Variants in RGS7BP observed in about 807,000 individuals in gnomAD.
RGS7BP encodes the protein regulator of G protein signaling 7 binding protein, also known as regulator of G protein signaling 7-binding protein.
RGS7BP carries 9 observed loss-of-function variants against 31.3 expected under a neutral mutation model. The ratio of observed to expected loss-of-function variants is 0.29; its 90% CI spans 0.17 to 0.50. The LOEUF (loss-of-function observed/expected upper bound fraction) is 0.50. Ranked by LOEUF, RGS7BP falls within the 20% of genes least tolerant of loss-of-function variation. The pLI is 0.98. For missense variants in RGS7BP, 274 were observed against 322.0 expected, an observed-to-expected ratio of 0.85 and a Z score of 1.14; for synonymous variants, 115 against 120.1, an observed-to-expected ratio of 0.96 and a Z score of 0.28.
intron 2 of RGS7BP, among the ~76,000 whole-genome samples, chr5:64,529,874 A>G (rs2111920764): frequency 6.6e-6 from 1 of 152,284 alleles, no homozygotes; most frequent in African/African-American, 2.4e-5. Context: ...CCTGCATCAC[A>G]TGGCCAGAAA....
chr5:64,561,067 C>T (rs1405191779), intron 2 of RGS7BP, among the ~76,000 whole-genome samples: 3 of 152,160 alleles, frequency 2.0e-5, no homozygotes, highest in East Asian at 3.9e-4. Context: ...GGGGCAAGAG[C>T]ACCCTGTTCT....
chr5:64,601,017 G>T (rs895206424), intron 5 of RGS7BP, among the ~76,000 whole-genome samples: 2 of 152,166 alleles, frequency 1.3e-5, no homozygotes, highest in Admixed American at 6.5e-5. Flanking sequence ...TTTTCAGGTG[G>T]TTTATTTATT....
At chr5:64,597,196 C>T (rs748023968) in intron 4 of RGS7BP, among the ~76,000 whole-genome samples, 1 of 151,968 alleles carries the variant, frequency 6.6e-6, no homozygotes, top group Non-Finnish European at 1.5e-5. Flanking sequence ...GGACAATTGT[C>T]CCAAGGGTTT....
intron 2 of RGS7BP, among the ~76,000 whole-genome samples, chr5:64,575,030 G>GT (rs984535198): frequency 9.9e-5 from 15 of 151,932 alleles, no homozygotes; most frequent in African/African-American, 3.4e-4. Flanking sequence ...TTATCAACTA[G>GT]TTTTTTTCCC....
chr5:64,566,428 C>G (rs1377234962), intron 2 of RGS7BP, among the ~76,000 whole-genome samples: 6 of 152,138 alleles, frequency 3.9e-5, no homozygotes, highest in Admixed American at 3.3e-4. Context: ...AAAAGCGAGA[C>G]AGCAAAGACT....
At chr5:64,556,387 TA>T (rs11306593) in intron 2 of RGS7BP, among the ~76,000 whole-genome samples, 28,485 of 81,150 alleles carry the variant, frequency 0.35, 3,948 homozygotes, top group South Asian at 0.47. Context: ...TCGTGATAAG[TA>T]AAAAAAAAAA....
At chr5:64,528,970 A>C (rs1267986363) in intron 2 of RGS7BP, among the ~76,000 whole-genome samples, 2 of 152,186 alleles carry the variant, frequency 1.3e-5, no homozygotes, top group Non-Finnish European at 2.9e-5. Context: ...TATTATTATT[A>C]TTACAACGTA....
chr5:64,558,700 A>G (rs907544489), intron 2 of RGS7BP, among the ~76,000 whole-genome samples: 1 of 152,118 alleles, frequency 6.6e-6, no homozygotes, highest in East Asian at 1.9e-4. Flanking sequence ...ACACAGCCAT[A>G]TTTCCCTTAT....
At chr5:64,584,633 T>G (rs1742694215) in intron 3 of RGS7BP, among the ~76,000 whole-genome samples, 1 of 152,214 alleles carries the variant, frequency 6.6e-6, no homozygotes, top group South Asian at 2.1e-4. Flanking sequence ...ACACAGCTAC[T>G]TGGCACTACC....
At chr5:64,523,436 G>A (rs1187526871) in intron 2 of RGS7BP, among the ~76,000 whole-genome samples, 1 of 152,140 alleles carries the variant, frequency 6.6e-6, no homozygotes, top group Non-Finnish European at 1.5e-5. Context: ...AAAATTTGCT[G>A]ACTAAAAGTG....
intron 2 of RGS7BP, among the ~76,000 whole-genome samples, chr5:64,520,134 A>T (rs1163592591): frequency 1.3e-5 from 2 of 152,192 alleles, no homozygotes; most frequent in Non-Finnish European, 2.9e-5. Flanking sequence ...AAGTTGAGAT[A>T]TCTGGTCAAG....
At chr5:64,554,815 A>G (rs150907062) in intron 2 of RGS7BP, among the ~76,000 whole-genome samples, 62 of 152,278 alleles carry the variant, frequency 4.1e-4, no homozygotes, top group African/African-American at 1.4e-3. Context: ...GAAGAGTTGA[A>G]AACATGAGAC....
At chr5:64,507,333 G>T (rs1296517603) in intron 1 of RGS7BP, among the ~76,000 whole-genome samples, 2 of 152,128 alleles carry the variant, frequency 1.3e-5, no homozygotes, top group Non-Finnish European at 2.9e-5. Flanking sequence ...CAACTTAAAA[G>T]CCATGTCCTA....
chr5:64,587,206 C>G (rs1742782377), intron 3 of RGS7BP, among the ~76,000 whole-genome samples: 1 of 152,072 alleles, frequency 6.6e-6, no homozygotes, highest in South Asian at 2.1e-4. Context: ...ACAGCCATTT[C>G]TAATAGTAAG....
At position 64,506,604 on chromosome 5, in the gene RGS7BP, C is replaced by T. The variant is rs1748685745; in HGVS notation, c.-21C>T. The T allele has an allele frequency of 1.3e-6, 2 of 1,568,946 alleles. No individual in the cohort carries two copies. Among genetic ancestry groups the T allele is most frequent in the African/African-American group, 1.4e-5 (1 of 73,744 alleles). On this transcript the variant is annotated 5_prime_UTR_variant, in exon 1 of 6. Transcript: ENST00000334025. The surrounding 1 kb of genome is among the most constrained non-coding windows in gnomAD (Gnocchi z 4.6). ...CCGGGGCGCACTGCACCAGCGGCTT[C>T]GGCTTGGTGGATGTGTATGCATGAG...
At chr5:64,601,185 T>A (rs1743206513) in intron 5 of RGS7BP, among the ~76,000 whole-genome samples, 1 of 152,144 alleles carries the variant, frequency 6.6e-6, no homozygotes, top group African/African-American at 2.4e-5. Context: ...TTATTTCCTT[T>A]CTCTTTTTAT....
At chr5:64,593,752 T>TA (rs749608655) in intron 3 of RGS7BP, among the ~76,000 whole-genome samples, 9 of 152,276 alleles carry the variant, frequency 5.9e-5, no homozygotes, top group Non-Finnish European at 8.8e-5. Context: ...TAGCTGACAC[T>TA]CAAGATATAT....
At chr5:64,515,158 A>G (rs1748941684) in intron 2 of RGS7BP, among the ~76,000 whole-genome samples, 1 of 152,198 alleles carries the variant, frequency 6.6e-6, no homozygotes, top group Non-Finnish European at 1.5e-5. Flanking sequence ...CATTAAGTTT[A>G]CTTGGTATTT....
At chr5:64,556,448 C>A (rs1381007998) in intron 2 of RGS7BP, among the ~76,000 whole-genome samples, 3 of 147,814 alleles carry the variant, frequency 2.0e-5, no homozygotes, top group Non-Finnish European at 4.5e-5. Flanking sequence ...CACACACACA[C>A]ACACACACAC....
Sources: allele counts gnomAD v4.1 joint callset (sites outside exome capture counted in the v4.1 genomes callset), GRCh38; gene constraint gnomAD v4.1.1; non-coding constraint Gnocchi (gnomAD v3.1); transcripts MANE v1.5; gene names NCBI Gene and HGNC (gene_info 2026-07-23, HGNC 2026-07-21).